The following THRB variants were observed in gnomAD, a reference collection of about 807,000 sequenced individuals.
The protein encoded by THRB is thyroid hormone receptor beta, also known as nuclear receptor subfamily 1 group A member 2.
THRB carries 12 observed loss-of-function variants against 47.8 expected under a neutral mutation model. The ratio of observed to expected loss-of-function variants is 0.25; its 90% CI spans 0.16 to 0.41. The LOEUF (loss-of-function observed/expected upper bound fraction) is 0.41, where lower values mean the gene tolerates loss of function less well. Ranked by LOEUF, THRB falls within the 10% of genes least tolerant of loss-of-function variation. THRB has a pLI of 1.00. For synonymous variants in THRB, 218 were observed against 212.2 expected (o/e 1.03, Z -0.24); for missense variants, 348 against 589.2 (o/e 0.59, Z 4.24).
chr3:24,390,185 G>A lies in THRB; in HGVS notation c.-260-52814C>T, dbSNP rs546681560. ...GCAATGATTCATTGATCAGCTACTA[G>A]GTGCTAGGCAGAATGCTAGGCACTT... On this transcript the variant is annotated intron_variant, in intron 1 of 10. Transcript: ENST00000646209. 9.2e-5 allele frequency among the ~76,000 whole-genome samples: 14 copies of A among 152,204 alleles called. No individual in the cohort carries two copies. The South Asian group carries it at 2.9e-3, about 32-fold the overall frequency.
chr3:24,244,800 G>T (rs1439241877), intron 3 of THRB, among the ~76,000 whole-genome samples: 1 of 152,124 alleles, frequency 6.6e-6, no homozygotes, highest in African/African-American at 2.4e-5. Flanking sequence ...TGATGTTATG[G>T]TAATCTAATA....
At chr3:24,282,586 A>C (rs1460064704) in intron 3 of THRB, among the ~76,000 whole-genome samples, 3 of 126,002 alleles carry the variant, frequency 2.4e-5, no homozygotes, top group African/African-American at 3.7e-5. Context: ...AACTAAAATC[A>C]GAGCAGAACT....
chr3:24,146,527 G>GTCTTCTT lies in THRB; in HGVS notation c.532+147_532+148insAAGAAGA, dbSNP rs1575396965. The stretch of plus-strand genomic sequence containing the variant: ...TCCCTTTCAGGGCAAGCCTGGATGT[G>GTCTTCTT]GGGAGTGAGGGGTGTATGCGAAAGT... On this transcript the variant is annotated intron_variant, in intron 7 of 10. Transcript: ENST00000646209. 3.2e-5 allele frequency: 26 copies of GTCTTCTT among 824,992 alleles called. No homozygotes were observed. In the East Asian group the frequency reaches 6.8e-4, roughly 22 times the overall value. The allele number at this position is 824,992 out of a possible 1,614,324, so 51.1% of individuals were successfully genotyped here. A position where few individuals can be genotyped will look rare whatever the true frequency, so the allele number is the denominator to read the frequency against.
chr3:24,336,733 T>C (rs2062281419), intron 2 of THRB, among the ~76,000 whole-genome samples: 1 of 151,246 alleles, frequency 6.6e-6, no homozygotes, highest in South Asian at 2.1e-4. Context: ...TTTTTTTTTT[T>C]TTTTTTGAGA....
intron 5 of THRB, among the ~76,000 whole-genome samples, chr3:24,180,575 G>A (rs2041767741): frequency 6.6e-6 from 1 of 152,202 alleles, no homozygotes; most frequent in Admixed American, 6.5e-5. Flanking sequence ...GGACCTTGGA[G>A]AATTTCTGAC....
rs530873073 is a variant in THRB at position 24,120,350 on chromosome 3, C to G, written c.*2534G>C. ...CAAGGATCAAACGTTCCTTTACTTG[C>G]GGCTGGCTGGATGGCTGTTTATATG... On this transcript the variant is annotated 3_prime_UTR_variant, in exon 11 of 11. Coordinates refer to ENST00000646209, the MANE Select transcript of THRB (RefSeq NM_001354712.2). 6.6e-6 allele frequency: 1 copy of G among 152,302 alleles called. No homozygotes were observed. Among genetic ancestry groups the G allele is most frequent in the African/African-American group, 2.4e-5 (1 of 41,558 alleles). The allele number at this position is 152,302 out of a possible 1,614,324, so 9.4% of individuals were successfully genotyped here. A position where few individuals can be genotyped will look rare whatever the true frequency, so the allele number is the denominator to read the frequency against.
intron 3 of THRB, among the ~76,000 whole-genome samples, chr3:24,260,040 C>G (rs2150478165): frequency 6.6e-6 from 1 of 152,288 alleles, no homozygotes; most frequent in South Asian, 2.1e-4. Flanking sequence ...CCATACCTTT[C>G]AGCTGTCACT....
chr3:24,182,299 G>T (rs1459628052), intron 5 of THRB, among the ~76,000 whole-genome samples: 1 of 152,210 alleles, frequency 6.6e-6, no homozygotes, highest in African/African-American at 2.4e-5. Context: ...TGTAGGAGAT[G>T]TCCTGGGGAA....
intron 1 of THRB, among the ~76,000 whole-genome samples, chr3:24,472,684 G>A (rs1225933369): frequency 1.3e-5 from 2 of 152,294 alleles, no homozygotes; most frequent in East Asian, 3.9e-4. Context: ...GTCACTTACT[G>A]TAAGGTAAGT....
chr3:24,463,013 A>G (rs2073833291), intron 1 of THRB, among the ~76,000 whole-genome samples: 1 of 152,208 alleles, frequency 6.6e-6, no homozygotes, highest in South Asian at 2.1e-4. Context: ...TCCCTCCTGG[A>G]CAGAGGGGAA....
At chr3:24,436,453 T>A (rs549630008) in intron 1 of THRB, among the ~76,000 whole-genome samples, 8 of 152,240 alleles carry the variant, frequency 5.3e-5, no homozygotes, top group African/African-American at 1.9e-4. Flanking sequence ...TTCAGGTTTC[T>A]TAAAATATAT....
At chr3:24,384,555 C>G (rs4300959) in intron 1 of THRB, among the ~76,000 whole-genome samples, 1 of 152,112 alleles carries the variant, frequency 6.6e-6, no homozygotes, top group Non-Finnish European at 1.5e-5. Context: ...CTTTAGAGGA[C>G]AGACATCCAT....
At chr3:24,398,434 T>C (rs1321364982) in intron 1 of THRB, among the ~76,000 whole-genome samples, 1 of 152,168 alleles carries the variant, frequency 6.6e-6, no homozygotes, top group Non-Finnish European at 1.5e-5. Context: ...AACAGACACT[T>C]TTCAAAGGAA....
intron 3 of THRB, among the ~76,000 whole-genome samples, chr3:24,275,755 T>C (rs926958621): frequency 9.2e-5 from 14 of 152,356 alleles, no homozygotes; most frequent in South Asian, 4.1e-4. Flanking sequence ...GTGAAATGCA[T>C]TGGCTCTCAG....
intron 1 of THRB, among the ~76,000 whole-genome samples, chr3:24,433,743 C>T (rs951675561): frequency 2.0e-5 from 3 of 152,092 alleles, no homozygotes; most frequent in African/African-American, 7.2e-5. Flanking sequence ...TATCATCGAC[C>T]TTATTTTCTC....
At chr3:24,431,281 C>CT (rs1432499997) in intron 1 of THRB, among the ~76,000 whole-genome samples, 3 of 151,680 alleles carry the variant, frequency 2.0e-5, no homozygotes, top group Admixed American at 1.3e-4. Context: ...CACACACACA[C>CT]ACACACACAC....
chr3:24,202,376 G>C (rs1284344303), intron 4 of THRB, among the ~76,000 whole-genome samples: 2 of 152,066 alleles, frequency 1.3e-5, no homozygotes, highest in Non-Finnish European at 2.9e-5. Flanking sequence ...ACTAAGAGCT[G>C]TTTTTGTAAT....
intron 1 of THRB, among the ~76,000 whole-genome samples, chr3:24,347,600 G>GA (rs943962391): frequency 6.7e-6 from 1 of 148,374 alleles, no homozygotes; most frequent in African/African-American, 2.5e-5. Flanking sequence ...TCTTTTTAAA[G>GA]AAAAAAACCT....
chr3:24,446,495 A>G (rs967645014), intron 1 of THRB, among the ~76,000 whole-genome samples: 4 of 151,890 alleles, frequency 2.6e-5, no homozygotes, highest in African/African-American at 9.7e-5. Flanking sequence ...GTGTTTCTGC[A>G]AAAGTGCATT....
Sources: allele counts gnomAD v4.1 joint callset (sites outside exome capture counted in the v4.1 genomes callset), GRCh38; gene constraint gnomAD v4.1.1; transcripts MANE v1.5; gene names NCBI Gene and HGNC (gene_info 2026-07-23, HGNC 2026-07-21).